The following DNAH14 variants were observed in gnomAD, a reference collection of about 807,000 sequenced individuals.
DNAH14 encodes the protein axonemal beta dynein heavy chain 14.
In DNAH14, 478 loss-of-function variants were observed where a neutral mutation model predicts 520.9. The ratio of observed to expected loss-of-function variants is 0.92; its 90% CI spans 0.85 to 0.99. DNAH14 has a LOEUF of 0.99. DNAH14 is among the 50% of genes least tolerant of loss of function. The pLI is 0.00. For synonymous variants in DNAH14, 1,581 were observed against 1,757.2 expected (o/e 0.90, Z 2.51); for missense variants, 4,831 against 5,234.5 (o/e 0.92, Z 2.38).
At chr1:225,246,168 C>A (rs1574267725) in intron 43 of DNAH14, among the ~76,000 whole-genome samples, 1 of 149,684 alleles carries the variant, frequency 6.7e-6, no homozygotes, top group Non-Finnish European at 1.5e-5. Flanking sequence ...GGAAAACTGG[C>A]TAGCCATATG....
chr1:225,164,977 T>C (rs1283371084), intron 35 of DNAH14, among the ~76,000 whole-genome samples: 1 of 152,152 alleles, frequency 6.6e-6, no homozygotes, highest in Non-Finnish European at 1.5e-5. Flanking sequence ...TATAGGCTTA[T>C]CTTCAATTTA....
chr1:224,947,698 C>CAGAG (rs1244581220), intron 1 of DNAH14, among the ~76,000 whole-genome samples: 9 of 151,932 alleles, frequency 5.9e-5, no homozygotes, highest in Admixed American at 5.2e-4. Context: ...TGTATATTTA[C>CAGAG]GTATGAGTAC....
At chr1:225,216,540 C>T (rs990094679) in intron 41 of DNAH14, among the ~76,000 whole-genome samples, 10 of 152,158 alleles carry the variant, frequency 6.6e-5, no homozygotes, top group Admixed American at 2.0e-4. Flanking sequence ...ACCAATCAGA[C>T]GTAGATTTGG....
chr1:224,967,290 T>G (rs1263842631), intron 5 of DNAH14, 141 bp from the exon 6 acceptor site: 1 of 467,192 alleles, frequency 2.1e-6, no homozygotes, highest in African/African-American at 2.0e-5. Flanking sequence ...TGATGTTAGC[T>G]TTCTCCAAAT....
rs1222605491 is a variant in DNAH14 at position 225,117,720 on chromosome 1, T to C, written c.3904T>C (p.Phe1302Leu). 1 of 1,549,954 alleles carries C rather than the reference T, an allele frequency of 6.5e-7. No homozygotes were observed. Among genetic ancestry groups the C allele is most frequent in the Non-Finnish European group, 8.7e-7 (1 of 1,146,752 alleles). ...LEVKRLIFPR[F>L]YFLSNAELLD... The stretch of plus-strand genomic sequence containing the variant: ...AGTTAAAAGATTAATTTTCCCAAGA[T>C]TTTACTTTCTTAGCAATGCCGAGCT... The change falls in exon 24 of 86, where the codon TTT becomes CTT. Residue 1302 changes from phenylalanine to leucine, a missense_variant. Physicochemically the swap from Phe to Leu is conservative, Grantham distance 22. Transcript: ENST00000682510.
chr1:225,246,510 A>T (rs938283769), intron 43 of DNAH14, among the ~76,000 whole-genome samples: 3 of 152,240 alleles, frequency 2.0e-5, no homozygotes, highest in African/African-American at 7.2e-5. Context: ...AGAATCTACA[A>T]GGAACTTAAA....
At chr1:225,211,315 C>A (rs1302578884) in intron 41 of DNAH14, among the ~76,000 whole-genome samples, 1 of 152,056 alleles carries the variant, frequency 6.6e-6, no homozygotes, top group African/African-American at 2.4e-5. Context: ...AAATAAATGA[C>A]CTGTTGGAGC....
chr1:225,014,016 G>T (rs759195778), intron 10 of DNAH14, among the ~76,000 whole-genome samples: 1 of 152,078 alleles, frequency 6.6e-6, no homozygotes, highest in Non-Finnish European at 1.5e-5. Flanking sequence ...AAAAACTCCT[G>T]CAGCTAGCTC....
intron 5 of DNAH14, among the ~76,000 whole-genome samples, chr1:224,966,168 A>G (rs903168033): frequency 7.9e-5 from 12 of 152,132 alleles, no homozygotes; most frequent in African/African-American, 2.4e-4. Context: ...TGTTATTTGC[A>G]GTTTTTAAAC....
chr1:225,367,732 G>A, intron 76 of DNAH14, 73 bp from the exon 77 acceptor site: 4 of 1,056,362 alleles, frequency 3.8e-6, no homozygotes, highest in East Asian at 2.6e-5. Context: ...CAGTGTTGTA[G>A]AAAGACAAGT....
chr1:225,244,730 A>T (rs2149664504), intron 43 of DNAH14, among the ~76,000 whole-genome samples: 1 of 151,610 alleles, frequency 6.6e-6, no homozygotes, highest in African/African-American at 2.4e-5. Context: ...TATCTATTTG[A>T]TTCATCTATT....
At chr1:225,118,139 T>C (rs1478283874) in intron 25 of DNAH14, 140 bp downstream of exon 25, 3 of 753,228 alleles carry the variant, frequency 4.0e-6, no homozygotes, top group South Asian at 1.5e-5. Flanking sequence ...AAATATACTT[T>C]TGCCTTTCCA....
chr1:225,364,909 T>C lies in DNAH14; in HGVS notation c.12090+15T>C. On this transcript the variant is annotated intron_variant, in intron 76 of 85. Transcript: ENST00000682510. ...AGGGTTTAAAGGTAAGAACAAAGTA[T>C]AACAGATTTAATGTTGACTGAGGAG... 6.6e-7 allele frequency: 1 copy of C among 1,520,798 alleles called. No individual in the cohort carries two copies. Among genetic ancestry groups the C allele is most frequent in the Non-Finnish European group, 8.9e-7 (1 of 1,126,994 alleles). The allele number at this position is 1,520,798 out of a possible 1,614,324, so 94.2% of individuals were successfully genotyped here.
chr1:225,222,500 G>T (rs1558072351), intron 41 of DNAH14, among the ~76,000 whole-genome samples: 1 of 152,138 alleles, frequency 6.6e-6, no homozygotes, highest in African/African-American at 2.4e-5. Flanking sequence ...ACATGGAAGG[G>T]GACCCAAGAG....
At chr1:225,227,101 TGCCTTCCTCTTATCTCAACTGCAAAGAG>T in intron 41 of DNAH14, among the ~76,000 whole-genome samples, 2 of 151,890 alleles carry the variant, frequency 1.3e-5, no homozygotes, top group Non-Finnish European at 2.9e-5. Context: ...AGGAGACAGA[TGCCTTCCTCTTATCTCAACTGCAAAGAG>T]GCCTTCCTCT....
rs2095283218 is a variant in DNAH14, at chr1:225,346,168, T to C, written c.10885T>C (p.Phe3629Leu). ...DLTQINYMYQ[F>L]SLDWFHQVFV... ...CACACAAATCAACTACATGTACCAG[T>C]TCTCCCTAGACTGGTTTCATCAGGT... The change falls in exon 70 of 86, where the codon TTC becomes CTC. Residue 3629 changes from phenylalanine to leucine, a missense_variant. Coordinates refer to ENST00000682510, the MANE Select transcript of DNAH14 (RefSeq NM_001367479.1). 1 of 1,551,516 alleles carries C rather than the reference T, an allele frequency of 6.4e-7. No individual in the cohort carries two copies. The highest frequency in any genetic ancestry group is 1.4e-5 in the African/African-American group (1 of 73,046).
intron 17 of DNAH14, among the ~76,000 whole-genome samples, chr1:225,060,609 G>T (rs2069916234): frequency 6.6e-6 from 1 of 151,356 alleles, no homozygotes; most frequent in Admixed American, 6.6e-5. Flanking sequence ...AGAGTTTCCA[G>T]TTTTTCTGCT....
chr1:224,982,108 C>A (rs975809263), intron 8 of DNAH14, among the ~76,000 whole-genome samples: 8 of 152,090 alleles, frequency 5.3e-5, no homozygotes, highest in African/African-American at 1.7e-4. Flanking sequence ...AGGGATATTG[C>A]CCCCTACTGG....
Position 225,364,879 on chromosome 1 carries a change from TA to T in DNAH14, c.12080del (p.Lys4027ArgfsTer3). The T allele has an allele frequency of 1.9e-6, 3 of 1,546,930 alleles. No homozygotes were observed. The highest frequency in any genetic ancestry group is 1.7e-6 in the Non-Finnish European group (2 of 1,145,130). On this transcript the variant is annotated frameshift_variant, in exon 76 of 86. Transcript: ENST00000682510. LOFTEE classifies it high-confidence loss of function. ...SYSSFPIPVLKKGLKIAVESP... is the reference protein window; with the variant it reads ...SYSSFPIPVLXKGLKIAVESP... ...ACAGTTCTTTTCCAATTCCTGTTCTTAAAAAGGGTTTAAAGGTAAGAACAAA... is the reference window on the plus strand; with the variant it reads ...ACAGTTCTTTTCCAATTCCTGTTCTTAAAAGGGTTTAAAGGTAAGAACAAA...
Sources: allele counts gnomAD v4.1 joint callset (sites outside exome capture counted in the v4.1 genomes callset), GRCh38; gene constraint gnomAD v4.1.1; transcripts MANE v1.5; gene names NCBI Gene and HGNC (gene_info 2026-07-23, HGNC 2026-07-21).